The following NTM variants were observed in gnomAD, a reference collection of about 807,000 sequenced individuals.
NTM encodes the protein neurotrimin.
A neutral mutation model predicts 42.1 loss-of-function variants in NTM; 13 were observed. The observed-to-expected ratio is 0.31, with a 90% CI of 0.20 to 0.49. NTM has a LOEUF of 0.49. Among genes scored for constraint, NTM ranks in the 20% least tolerant of loss-of-function variants. The probability of loss-of-function intolerance (pLI) is 0.99; values close to 1 mark genes in which losing one functional copy is unlikely to be tolerated. For missense variants in NTM, 373 were observed against 452.8 expected (o/e 0.82, Z 1.60); for synonymous variants, 187 against 179.2 (o/e 1.04, Z -0.35).
At chr11:132,320,442 C>T (rs188652282) in intron 7 of NTM, among the ~76,000 whole-genome samples, 1 of 152,314 alleles carries the variant, frequency 6.6e-6, no homozygotes, top group Admixed American at 6.5e-5. Context: ...TCGGGTCACT[C>T]CCACCCGAAT....
At chr11:132,166,060 A>G (rs1318722907) in intron 3 of NTM, among the ~76,000 whole-genome samples, 1 of 152,054 alleles carries the variant, frequency 6.6e-6, no homozygotes, top group Non-Finnish European at 1.5e-5. Flanking sequence ...TTATGGCCCA[A>G]GTTTTCCTTG....
intron 1 of NTM, among the ~76,000 whole-genome samples, chr11:131,758,412 G>A (rs2083627592): frequency 6.6e-6 from 1 of 151,974 alleles, no homozygotes; most frequent in Non-Finnish European, 1.5e-5. Flanking sequence ...TGTCTTCAAA[G>A]CAACATCCCC....
intron 1 of NTM, among the ~76,000 whole-genome samples, chr11:131,420,609 C>T (rs1947402726): frequency 6.6e-6 from 1 of 152,152 alleles, no homozygotes. Context: ...ACCTCCAAAA[C>T]TCCATGTTCT....
intron 1 of NTM, among the ~76,000 whole-genome samples, chr11:131,748,503 C>G (rs912382388): frequency 1.3e-5 from 2 of 152,196 alleles, no homozygotes; most frequent in African/African-American, 4.8e-5. Context: ...CAGGCTAGAT[C>G]TATTCATTCT....
chr11:132,264,266 C>A (rs2093043602), intron 4 of NTM, among the ~76,000 whole-genome samples: 1 of 152,128 alleles, frequency 6.6e-6, no homozygotes, highest in African/African-American at 2.4e-5. Context: ...CATATTTTTT[C>A]ATATTTCATA....
At chr11:131,881,526 G>A (rs963396530) in intron 1 of NTM, among the ~76,000 whole-genome samples, 2 of 143,462 alleles carry the variant, frequency 1.4e-5, no homozygotes, top group African/African-American at 5.2e-5. Context: ...AAGCTTTGAC[G>A]CAGAGGAGCA....
intron 1 of NTM, among the ~76,000 whole-genome samples, chr11:131,515,899 A>G (rs996648153): frequency 8.5e-5 from 13 of 152,210 alleles, no homozygotes; most frequent in African/African-American, 3.1e-4. Flanking sequence ...AAACGAGTCC[A>G]TTCTCTGCTT....
At chr11:132,287,078 C>T (rs371898144) in intron 4 of NTM, among the ~76,000 whole-genome samples, 2 of 152,126 alleles carry the variant, frequency 1.3e-5, no homozygotes, top group African/African-American at 2.4e-5. Context: ...CATTTGAGAC[C>T]CCTCAGGCTG....
intron 3 of NTM, among the ~76,000 whole-genome samples, chr11:132,156,650 C>A (rs1458788882): frequency 6.6e-6 from 1 of 151,942 alleles, no homozygotes; most frequent in Non-Finnish European, 1.5e-5. Context: ...TGTAAAGTTT[C>A]TTTTTTATTG....
At chr11:131,506,687 G>A (rs1055535467) in intron 1 of NTM, among the ~76,000 whole-genome samples, 8 of 152,220 alleles carry the variant, frequency 5.3e-5, no homozygotes, top group Admixed American at 1.3e-4. Context: ...CCTCAGAGAA[G>A]CCACAGGAGT....
At chr11:131,478,711 A>G (rs1020895601) in intron 1 of NTM, among the ~76,000 whole-genome samples, 5 of 152,232 alleles carry the variant, frequency 3.3e-5, no homozygotes, top group Admixed American at 1.3e-4. Context: ...TTCACCACAC[A>G]GCTCTATAGG....
At position 131,890,210 on chromosome 11, in the gene NTM, T is replaced by C. The variant is rs531146034; in HGVS notation, c.83-21354T>C. On this transcript the variant is annotated intron_variant, in intron 1 of 8. Transcript: ENST00000683400. ...TCTCTCTCTCACACACACACACACA[T>C]ATCCACCTCACCCCTGACCCTCAGA... 7.9e-3 allele frequency among the ~76,000 whole-genome samples: 1,150 copies of C among 144,696 alleles called. 19 individuals carry two copies. The highest frequency in any genetic ancestry group is 0.028 in the African/African-American group (1,091 of 39,266). The allele number at this position is 144,696 out of a possible 152,430, so 94.9% of individuals were successfully genotyped here.
chr11:131,764,366 T>C (rs2084770116), intron 1 of NTM, among the ~76,000 whole-genome samples: 1 of 152,142 alleles, frequency 6.6e-6, no homozygotes, highest in Non-Finnish European at 1.5e-5. Context: ...ATTTCCTTCT[T>C]CCTCATGTCA....
At chr11:132,049,990 C>A (rs1331594057) in intron 2 of NTM, among the ~76,000 whole-genome samples, 1 of 152,160 alleles carries the variant, frequency 6.6e-6, no homozygotes, top group Non-Finnish European at 1.5e-5. Context: ...TGCAGTGTCT[C>A]TCTCCCAGCT....
intron 4 of NTM, among the ~76,000 whole-genome samples, chr11:132,231,411 C>G (rs1050448862): frequency 6.6e-6 from 1 of 152,146 alleles, no homozygotes; most frequent in African/African-American, 2.4e-5. Context: ...ATAGCGATAG[C>G]GAATGACTGC....
At chr11:131,839,497 A>G (rs766125352) in intron 1 of NTM, among the ~76,000 whole-genome samples, 4 of 152,216 alleles carry the variant, frequency 2.6e-5, no homozygotes, top group African/African-American at 4.8e-5. Context: ...AGGCCATGCT[A>G]TCCTGCTCAG....
chr11:132,169,533 C>T (rs1051108086), intron 3 of NTM, among the ~76,000 whole-genome samples: 4 of 151,502 alleles, frequency 2.6e-5, no homozygotes, highest in Middle Eastern at 3.4e-3. Context: ...GATGGAGTTT[C>T]ACTGTGTTAG....
At chr11:131,413,586 G>T (rs1310893022) in intron 1 of NTM, among the ~76,000 whole-genome samples, 1 of 152,226 alleles carries the variant, frequency 6.6e-6, no homozygotes, top group Non-Finnish European at 1.5e-5. Context: ...ATCTTTGTCA[G>T]CTCAGTGCTA....
At chr11:131,645,950 A>G (rs1373601313) in intron 1 of NTM, among the ~76,000 whole-genome samples, 1 of 152,250 alleles carries the variant, frequency 6.6e-6, no homozygotes, top group Non-Finnish European at 1.5e-5. Context: ...TCTAACCAAG[A>G]ATCTAAAGTA....
Sources: allele counts gnomAD v4.1 joint callset (sites outside exome capture counted in the v4.1 genomes callset), GRCh38; gene constraint gnomAD v4.1.1; transcripts MANE v1.5; gene names NCBI Gene and HGNC (gene_info 2026-07-23, HGNC 2026-07-21).